The following PAX1 variants were observed in gnomAD, a reference collection of about 807,000 sequenced individuals.
The protein encoded by PAX1 is paired box 1.
PAX1 carries 18 observed loss-of-function variants against 35.6 expected under a neutral mutation model. That is an observed-to-expected ratio of 0.50 (90% CI 0.35 to 0.75). The LOEUF (loss-of-function observed/expected upper bound fraction) is 0.75. Among genes scored for constraint, PAX1 ranks in the 30% least tolerant of loss-of-function variants. The pLI is 0.01. For synonymous variants in PAX1, 397 were observed against 305.2 expected, an observed-to-expected ratio of 1.30 and a Z score of -3.14; for missense variants, 760 against 661.5, an observed-to-expected ratio of 1.15 and a Z score of -1.63.
chr20:21,716,864 T>G lies in PAX1; in HGVS notation c.*2302T>G, dbSNP rs549251574. ...TGGACAGAATTTTCATGCACCCATT[T>G]GTGCTGCCTGGAGAAGGACTGGCTT... On this transcript the variant is annotated 3_prime_UTR_variant, in exon 5 of 5. Transcript: ENST00000613128. 1 of 152,374 alleles carries G rather than the reference T, an allele frequency of 6.6e-6. No homozygotes were observed. Among genetic ancestry groups the G allele is most frequent in the Admixed American group, 6.5e-5 (1 of 15,304 alleles). 9.4% of individuals were successfully genotyped at this position (152,374 alleles called of 1,614,324 possible). A position where few individuals can be genotyped will look rare whatever the true frequency, so the allele number is the denominator to read the frequency against.
At chr20:21,712,418 A>G (rs1019540042) in intron 4 of PAX1, among the ~76,000 whole-genome samples, 1 of 152,178 alleles carries the variant, frequency 6.6e-6, no homozygotes, top group Non-Finnish European at 1.5e-5. Flanking sequence ...GGAGAGGCTG[A>G]CATTCTAGGA....
intron 2 of PAX1, chr20:21,708,344 A>G (rs1189491356): frequency 5.8e-6 from 4 of 691,156 alleles, no homozygotes; most frequent in African/African-American, 3.5e-5. Context: ...GTTGAAGGCT[A>G]GGAGGACCGG....
At chr20:21,707,388 A>C (rs146471288) in intron 2 of PAX1, among the ~76,000 whole-genome samples, 2 of 152,152 alleles carry the variant, frequency 1.3e-5, no homozygotes, top group African/African-American at 4.8e-5. Context: ...GGGGAAAAAA[A>C]CCCGCTCAAT....
At chr20:21,711,088 T>G (rs1985184971) in intron 4 of PAX1, among the ~76,000 whole-genome samples, 1 of 152,178 alleles carries the variant, frequency 6.6e-6, no homozygotes, top group African/African-American at 2.4e-5. Context: ...TCTGTCGAAA[T>G]CGAAATCAAA....
rs1326526464 is a variant in PAX1 at position 21,706,737 on chromosome 20, A to G, written c.586A>G (p.Ile196Val). The stretch of plus-strand genomic sequence containing the variant: ...AGACCCTGGCATCTTTGCCTGGGAG[A>G]TCCGCGACCGGCTGCTGGCCGACGG... Reference protein sequence around the residue: ...QGDPGIFAWEIRDRLLADGVC... With the variant: ...QGDPGIFAWEVRDRLLADGVC... Residue 196 changes from isoleucine (I) to valine (V), a missense_variant, in exon 2 of 5, where the codon ATC (isoleucine) becomes GTC (valine). Physicochemically the swap from Ile to Val is conservative, Grantham distance 29. Coordinates refer to ENST00000613128, the MANE Select transcript of PAX1 (RefSeq NM_001257096.2). This position sits in a 1 kb window ranked among gnomAD's most constrained non-coding sequence, Gnocchi z 5.3. The G allele has an allele frequency of 6.2e-7, 1 of 1,613,684 alleles. No individual in the cohort carries two copies. The highest frequency in any genetic ancestry group is 1.1e-5 in the South Asian group (1 of 91,086).
chr20:21,705,705 C>G lies in PAX1; in HGVS notation c.-8C>G. 2 of 1,242,832 alleles carry G rather than the reference C, an allele frequency of 1.6e-6. No homozygotes were observed. Among genetic ancestry groups the G allele is most frequent in the Non-Finnish European group, 1.0e-6 (1 of 985,584 alleles). 77.0% of individuals were successfully genotyped at this position (1,242,832 alleles called of 1,614,324 possible). A position where few individuals can be genotyped will look rare whatever the true frequency, so the allele number is the denominator to read the frequency against. Reference sequence around the variant, plus strand: ...AGCCTCCCGGTCAGACGAATTTCTCCCAATCGGATGAAGTTCACCCTGGGC... The same window carrying G: ...AGCCTCCCGGTCAGACGAATTTCTCGCAATCGGATGAAGTTCACCCTGGGC... On this transcript the variant is annotated 5_prime_UTR_variant, in exon 1 of 5. Transcript: ENST00000613128.
rs1600331345 is a variant in PAX1 at position 21,716,923 on chromosome 20, C to T, written c.*2361C>T. On this transcript the variant is annotated 3_prime_UTR_variant, in exon 5 of 5. Coordinates refer to ENST00000613128, the MANE Select transcript of PAX1 (RefSeq NM_001257096.2). ...CAGGAGGAAGACATCACATCCCTTT[C>T]TGAAGGAATGAGAAGAATCTATATG... 1 of 152,282 alleles carries T rather than the reference C, an allele frequency of 6.6e-6. No homozygotes were observed. The highest frequency in any genetic ancestry group is 6.5e-5 in the Admixed American group (1 of 15,294). 9.4% of individuals were successfully genotyped at this position (152,282 alleles called of 1,614,324 possible).
chr20:21,712,080 A>G (rs1196863521), intron 4 of PAX1, among the ~76,000 whole-genome samples: 1 of 152,220 alleles, frequency 6.6e-6, no homozygotes, highest in Non-Finnish European at 1.5e-5. Flanking sequence ...AATACCTTTG[A>G]TCACCTAACA....
At chr20:21,713,769 C>T (rs1381653725) in intron 4 of PAX1, among the ~76,000 whole-genome samples, 1 of 152,250 alleles carries the variant, frequency 6.6e-6, no homozygotes, top group African/African-American at 2.4e-5. Flanking sequence ...CCCGATCTGG[C>T]AATCCCACTG....
rs1025623980 is a variant in PAX1, at chr20:21,714,801, T to C, written c.*239T>C. The C allele has an allele frequency of 1.1e-5, 18 of 1,599,094 alleles. No homozygotes were observed. Among genetic ancestry groups the C allele is most frequent in the South Asian group, 2.2e-5 (2 of 91,058 alleles). ...TTTAGGCTTCTCTGAACTTGGGTTT[T>C]AGACTGCCGTACCCTCCTCACAATC... On this transcript the variant is annotated 3_prime_UTR_variant, in exon 5 of 5. Transcript: ENST00000613128.
rs750592378 is a variant in PAX1, at chr20:21,706,453, A to G, written c.302A>G (p.Glu101Gly). 2 of 1,611,004 alleles carry G rather than the reference A, an allele frequency of 1.2e-6. No homozygotes were observed. Among genetic ancestry groups the G allele is most frequent in the Non-Finnish European group, 1.7e-6 (2 of 1,178,780 alleles). ...GPLAMEQTYG[E>G]VNQLGGVFVN... ...GCATCCGCAGAGCAGACGTATGGCG[A>G]GGTGAACCAGCTGGGCGGTGTGTTC... The change falls in exon 2 of 5, where the codon GAG becomes GGG. Residue 101 changes from glutamate (E) to glycine (G), a missense_variant. By Grantham distance (98) the Glu-to-Gly change is moderately conservative. This residue lies in a region of PAX1 where 48 missense variants were observed against 80.0 expected (regional missense o/e 0.60). Coordinates refer to ENST00000613128, the MANE Select transcript of PAX1 (RefSeq NM_001257096.2). The surrounding 1 kb of genome is among the most constrained non-coding windows in gnomAD (Gnocchi z 5.3).
chr20:21,709,076 A>G (rs1985108773), intron 3 of PAX1, 146 bp from the exon 4 acceptor site: 1 of 755,018 alleles, frequency 1.3e-6, no homozygotes, highest in South Asian at 1.4e-5. Context: ...TGACTAGGAA[A>G]TTTAGAGGCC....
chr20:21,711,779 G>A (rs1985205607), intron 4 of PAX1, among the ~76,000 whole-genome samples: 2 of 152,126 alleles, frequency 1.3e-5, no homozygotes, highest in African/African-American at 2.4e-5. Flanking sequence ...CTTGGGTTAT[G>A]GATTTTTACT....
rs1280082092 is a variant in PAX1 at position 21,716,019 on chromosome 20, G to C, written c.*1457G>C. ...GAGCAAGTCTGTTTCTGAGCGCAGA[G>C]TGTTGAGTTCTTACTCCGTAGCTAC... On this transcript the variant is annotated 3_prime_UTR_variant, in exon 5 of 5. Coordinates refer to ENST00000613128, the MANE Select transcript of PAX1 (RefSeq NM_001257096.2). 6.6e-6 allele frequency: 1 copy of C among 152,276 alleles called. No individual in the cohort carries two copies. Among genetic ancestry groups the C allele is most frequent in the Non-Finnish European group, 1.5e-5 (1 of 68,076 alleles). 9.4% of individuals were successfully genotyped at this position (152,276 alleles called of 1,614,324 possible).
At chr20:21,713,257 G>A (rs1985252810) in intron 4 of PAX1, among the ~76,000 whole-genome samples, 1 of 152,200 alleles carries the variant, frequency 6.6e-6, no homozygotes, top group South Asian at 2.1e-4. Context: ...TTGTTGGCTG[G>A]GCGGCCACAA....
rs770143481 is a variant in PAX1, at chr20:21,708,624, G to A, written c.983G>A (p.Arg328His). Residue 328 changes from arginine (R) to histidine (H), a missense_variant, in exon 3 of 5, where the codon CGC (arginine) becomes CAC (histidine). Arg to His is a conservative substitution (Grantham distance 29, BLOSUM62 0). This residue lies in a region of PAX1 where 490 missense variants were observed against 428.4 expected (regional missense o/e 1.14). Coordinates refer to ENST00000613128, the MANE Select transcript of PAX1 (RefSeq NM_001257096.2). ...ATGGAAGACTGGGCCGGCGTGAACC[G>A]CACGGCCTTCCCCGCCACCCCCGCA... ...PKMEDWAGVN[R>H]TAFPATPAVN... The A allele has an allele frequency of 6.2e-7, 1 of 1,613,418 alleles. No homozygotes were observed. The highest frequency in any genetic ancestry group is 2.2e-5 in the East Asian group (1 of 44,884).
rs761353867 is a variant in PAX1, at chr20:21,706,303, C to G, written c.287-135C>G. The G allele has an allele frequency of 2.4e-6, 3 of 1,233,144 alleles. No individual in the cohort carries two copies. The highest frequency in any genetic ancestry group is 2.4e-5 in the South Asian group (2 of 82,078). The allele number at this position is 1,233,144 out of a possible 1,614,324, so 76.4% of individuals were successfully genotyped here. A position where few individuals can be genotyped will look rare whatever the true frequency, so the allele number is the denominator to read the frequency against. On this transcript the variant is annotated intron_variant, in intron 1 of 4. Transcript: ENST00000613128. This position sits in a 1 kb window ranked among gnomAD's most constrained non-coding sequence, Gnocchi z 5.3. ...ACCCAGGCGGTTTGCCCTTGGACTCCGAGCTGTCTGGGGACCCACAGGTCA... is the reference window on the plus strand; with the variant it reads ...ACCCAGGCGGTTTGCCCTTGGACTCGGAGCTGTCTGGGGACCCACAGGTCA...
Position 21,709,407 on chromosome 20 carries a change from C to T in PAX1, c.1245C>T (p.Leu415=), listed in dbSNP as rs1985127352. The part of the protein sequence containing the change: ...GAGVAVHGGE[L]AAAMTFKHPS... The stretch of plus-strand genomic sequence containing the variant: ...GCGTAGCTGTGCATGGCGGGGAACT[C>T]GCGGCAGCAATGACCTTCAAGCATC... The change falls in exon 4 of 5, where the codon CTC becomes CTT. Residue 415 remains leucine, a synonymous_variant. Coordinates refer to ENST00000613128, the MANE Select transcript of PAX1 (RefSeq NM_001257096.2). 1.9e-6 allele frequency: 3 copies of T among 1,544,948 alleles called. No homozygotes were observed. The highest frequency in any genetic ancestry group is 2.6e-6 in the Non-Finnish European group (3 of 1,150,146).
chr20:21,707,125 G>T, intron 2 of PAX1, 58 bp downstream of exon 2: 3 of 1,602,678 alleles, frequency 1.9e-6, no homozygotes, highest in Non-Finnish European at 2.6e-6. Context: ...GGGCGGGCAG[G>T]CTTGCAGGAG....
Sources: gnomAD v4.1 joint callset for allele counts (sites outside exome capture counted in the v4.1 genomes callset) on GRCh38, gnomAD v4.1.1 for gene constraint, gnomAD v4.1.1 regional missense constraint, Gnocchi (gnomAD v3.1) non-coding constraint, MANE v1.5 for transcripts, NCBI Gene and HGNC (gene_info 2026-07-23, HGNC 2026-07-21) for gene names.